SMCO2: variants seen among roughly 807,000 people sequenced by gnomAD.
The protein encoded by SMCO2 is single-pass membrane protein with coiled-coil domains 2, also known as single-pass membrane and coiled-coil domain-containing protein 2.
A neutral mutation model predicts 29.5 loss-of-function variants in SMCO2; 25 were observed. The observed-to-expected ratio is 0.85, with a 90% CI of 0.62 to 1.18. SMCO2 has a LOEUF of 1.18. Among genes scored for constraint, SMCO2 ranks in the 50% most tolerant of loss-of-function variants. The pLI, the probability that SMCO2 is intolerant of heterozygous loss-of-function variation, is 0.00. For synonymous variants in SMCO2, 117 were observed against 123.3 expected (o/e 0.95, Z 0.34); for missense variants, 348 against 344.5 (o/e 1.01, Z -0.08).
intron 2 of SMCO2, among the ~76,000 whole-genome samples, chr12:27,472,470 A>G (rs1949549131): frequency 6.6e-6 from 1 of 152,122 alleles, no homozygotes. Context: ...TAATTTACTT[A>G]TTTGTTGATT....
intron 4 of SMCO2, among the ~76,000 whole-genome samples, chr12:27,485,450 G>GCT (rs1484918113): frequency 0.034 from 4,429 of 131,966 alleles, 247 homozygotes; most frequent in African/African-American, 0.12. Flanking sequence ...ATTTTTTTAA[G>GCT]TTTTTTTTTT....
chr12:27,480,420 C>T (rs1949632323), intron 4 of SMCO2, among the ~76,000 whole-genome samples: 1 of 152,174 alleles, frequency 6.6e-6, no homozygotes, highest in African/African-American at 2.4e-5. Context: ...GTGGACTTCC[C>T]AGCCATCTAA....
Position 27,492,643 on chromosome 12 carries a change from C to T in SMCO2, c.451-1657C>T, listed in dbSNP as rs377326166. Among the ~76,000 whole-genome samples, 9 of 152,322 alleles carry T rather than the reference C, an allele frequency of 5.9e-5. 1 individual carries two copies. Among genetic ancestry groups the T allele is most frequent in the African/African-American group, 2.2e-4 (9 of 41,580 alleles). ...AACCACAATGAGATATCATCTCCCA[C>T]ACTGGTCAGAATGACTATTATTAAA... is the stretch of plus-strand genomic sequence containing the variant. On this transcript the variant is annotated intron_variant, in intron 5 of 7. Transcript: ENST00000298876.
chr12:27,470,860 C>G, intron 2 of SMCO2, 95 bp downstream of exon 2: 2 of 1,378,542 alleles, frequency 1.5e-6, no homozygotes, highest in South Asian at 2.8e-5. Flanking sequence ...TTTCCAGGTT[C>G]AGAGTCTAGG....
chr12:27,443,379 C>T, the SMCO2 span, among the ~76,000 whole-genome samples: 1 of 152,118 alleles, frequency 6.6e-6, no homozygotes, highest in African/African-American at 2.4e-5. Context: ...AATAATAAAG[C>T]CCATCTATGA....
At chr12:27,429,266 A>G in the SMCO2 span, among the ~76,000 whole-genome samples, 2 of 152,126 alleles carry the variant, frequency 1.3e-5, no homozygotes, top group Admixed American at 6.6e-5. Context: ...TGCTAAGAAG[A>G]AAATAAAAAT....
chr12:27,466,081 C>T (rs114834292), upstream of SMCO2, among the ~76,000 whole-genome samples: 3 of 152,078 alleles, frequency 2.0e-5, no homozygotes, highest in Non-Finnish European at 2.9e-5. Context: ...TCGAAGGAGA[C>T]GAGGTCACAG....
chr12:27,465,135 TACACAGTGC>T (rs1403621123), upstream of SMCO2, among the ~76,000 whole-genome samples: 2 of 151,870 alleles, frequency 1.3e-5, no homozygotes, highest in Admixed American at 1.3e-4. Flanking sequence ...AAGTGTGGTC[TACACAGTGC>T]TGCTTTAGGG....
At chr12:27,460,219 G>A in the SMCO2 span, among the ~76,000 whole-genome samples, 1 of 152,138 alleles carries the variant, frequency 6.6e-6, no homozygotes, top group Non-Finnish European at 1.5e-5. Flanking sequence ...TATGCAAGGT[G>A]TTTAGGACAG....
chr12:27,486,249 C>T (rs1003946799), intron 4 of SMCO2, among the ~76,000 whole-genome samples: 1 of 152,196 alleles, frequency 6.6e-6, no homozygotes, highest in African/African-American at 2.4e-5. Context: ...CTGTGCAGCT[C>T]TCTCCTCTTT....
the SMCO2 span, among the ~76,000 whole-genome samples, chr12:27,458,888 G>GAAAA: frequency 1.3e-5 from 1 of 76,876 alleles, no homozygotes; most frequent in East Asian, 4.3e-4. Flanking sequence ...ACTCTATCTC[G>GAAAA]AAAAAAAAAA....
the SMCO2 span, among the ~76,000 whole-genome samples, chr12:27,432,982 A>G: frequency 2.0e-5 from 3 of 152,226 alleles, no homozygotes; most frequent in African/African-American, 7.2e-5. Flanking sequence ...TGTATGAAAT[A>G]GTATTATTGA....
chr12:27,433,534 CACACACACAT>C, the SMCO2 span, among the ~76,000 whole-genome samples: 5 of 151,606 alleles, frequency 3.3e-5, no homozygotes, highest in Non-Finnish European at 5.9e-5. Flanking sequence ...CACACACACA[CACACACACAT>C]ATATCATATT....
intron 5 of SMCO2, among the ~76,000 whole-genome samples, chr12:27,490,005 A>G (rs1949722158): frequency 6.6e-6 from 1 of 152,250 alleles, no homozygotes; most frequent in African/African-American, 2.4e-5. Context: ...AGAGGAAGGC[A>G]TCACACACAT....
At chr12:27,470,676 G>A (rs1949533635) in exon 2 of SMCO2, 2 of 1,551,268 alleles carry the variant, frequency 1.3e-6, no homozygotes, top group Admixed American at 3.9e-5. Flanking sequence ...TGTCTCTGCA[G>A]ATGAAGATGG....
chr12:27,447,628 C>T, the SMCO2 span, among the ~76,000 whole-genome samples: 10 of 151,484 alleles, frequency 6.6e-5, no homozygotes, highest in East Asian at 7.8e-4. Flanking sequence ...CATGGTGATC[C>T]GCATCTGTAG....
chr12:27,501,351 G>A (rs1254153245), intron 7 of SMCO2, among the ~76,000 whole-genome samples: 2 of 140,424 alleles, frequency 1.4e-5, no homozygotes, highest in African/African-American at 5.6e-5. Context: ...AAGAGGCAGA[G>A]CTTGCAGTGA....
At chr12:27,451,694 A>T in the SMCO2 span, among the ~76,000 whole-genome samples, 2 of 152,246 alleles carry the variant, frequency 1.3e-5, no homozygotes, top group Admixed American at 1.3e-4. Flanking sequence ...GCCACTCTGC[A>T]CATGTCTGCC....
At chr12:27,464,624 G>T (rs1476063948), upstream of SMCO2, among the ~76,000 whole-genome samples, 1 of 150,884 alleles carries the variant, frequency 6.6e-6, no homozygotes, top group Non-Finnish European at 1.5e-5. Flanking sequence ...GGCTGAGGTG[G>T]GAAGATGGCT....
Sources: allele counts gnomAD v4.1 joint callset (sites outside exome capture counted in the v4.1 genomes callset), GRCh38; gene constraint gnomAD v4.1.1; transcripts MANE v1.5; gene names NCBI Gene and HGNC (gene_info 2026-07-23, HGNC 2026-07-21).